Variants in CFP observed in about 807,000 individuals in gnomAD.
CFP encodes the protein complement factor properdin, also known as properdin.
Under a neutral mutation model 42.1 loss-of-function variants are expected in CFP, and 14 were observed. The observed-to-expected ratio is 0.33, with a 90% CI of 0.22 to 0.52. CFP has a LOEUF of 0.52. Ranked by LOEUF, CFP falls within the 20% of genes least tolerant of loss-of-function variation. The probability of loss-of-function intolerance (pLI) is 0.96; values close to 1 mark genes in which losing one functional copy is unlikely to be tolerated. For missense variants in CFP, 318 were observed against 400.4 expected (o/e 0.79, Z 1.76); for synonymous variants, 149 against 160.6 (o/e 0.93, Z 0.54).
rs1027651061 is a variant in CFP at position 47,626,007 on chromosome X, C to T, written c.1244+51G>A. On this transcript the variant is annotated intron_variant, in intron 8 of 8. Coordinates refer to ENST00000396992, the MANE Select transcript of CFP (RefSeq NM_001145252.3). ...GGTTTCCTGGGGTAGCCGACTCTCC[C>T]GCCTGTAATATAATGACCCCCTCCC... is the stretch of plus-strand genomic sequence containing the variant. The T allele has an allele frequency of 4.2e-5, 43 of 1,030,054 alleles. No homozygotes were observed. The African/African-American group carries it at 4.3e-4, about 10-fold the overall frequency. 84.9% of individuals were successfully genotyped at this position (1,030,054 alleles called of 1,213,427 possible).
intron 6 of CFP, 76 bp from the exon 7 acceptor site, chrX:47,626,595 G>A (rs2147936649): frequency 1.4e-5 from 16 of 1,107,326 alleles, no homozygotes; most frequent in South Asian, 1.3e-4. Flanking sequence ...GAATGAGGGC[G>A]GTAGGAGGGA....
At chrX:47,627,056 G>A (rs1157743195) in intron 5 of CFP, 85 bp downstream of exon 5, 1 of 1,153,825 alleles carries the variant, frequency 8.7e-7, no homozygotes, top group Non-Finnish European at 1.2e-6. Context: ...TGGTCACATG[G>A]CCTAGGAACT....
In CFP at chrX:47,629,552, G is replaced by C. The variant is rs1261378312; in HGVS notation, c.199C>G (p.Arg67Gly). 9.6e-7 allele frequency: 1 copy of C among 1,043,369 alleles called. No individual in the cohort carries two copies. 86.0% of individuals were successfully genotyped at this position (1,043,369 alleles called of 1,213,427 possible). ...CLNTAFAYQK[R>G]SGGLCQPCRS... ...CAAGGCTGACAGAGCCCACCACTACGTTTCTGGTAGGCAAAGGCAGTGTTG... is the reference window on the plus strand; with the variant it reads ...CAAGGCTGACAGAGCCCACCACTACCTTTCTGGTAGGCAAAGGCAGTGTTG... The change falls in exon 2 of 9, where the codon CGT becomes GGT. Residue 67 changes from arginine (R) to glycine (G), a missense_variant. By Grantham distance (125) the Arg-to-Gly change is moderately radical (BLOSUM62 -2). Coordinates refer to ENST00000396992, the MANE Select transcript of CFP (RefSeq NM_001145252.3).
Position 47,626,504 on chromosome X carries a change from T to A in CFP, c.956A>T (p.Asp319Val), listed in dbSNP as rs1475548366. 1.7e-6 allele frequency: 2 copies of A among 1,210,649 alleles called. No individual in the cohort carries two copies. The highest frequency in any genetic ancestry group is 4.4e-5 in the Admixed American group (2 of 45,946). ...AVPCPVDGEW[D>V]SWGEWSPCIR... is the part of the protein sequence containing the mutation. ...ACAGGGGCTCCACTCCCCCCACGAG[T>A]CCCACTCCCCATCCACTGCAGAGAC... The change falls in exon 7 of 9, where the codon GAC (aspartate) becomes GTC (valine). Residue 319 changes from aspartate (D) to valine (V), a missense_variant. Coordinates refer to ENST00000396992, the MANE Select transcript of CFP (RefSeq NM_001145252.3).
rs2057977360 is a variant in CFP at position 47,628,245 on chromosome X, G to A, written c.260C>T (p.Ala87Val). ...CTCAGAGCACGTCACCGAACAGGGG[G>A]CCCATGTGGACCACAGGGACCATCG... is the stretch of plus-strand genomic sequence containing the variant. ...SPRWSLWSTW[A>V]PCSVTCSEGS... is the part of the protein sequence containing the mutation. The change falls in exon 3 of 9, where the codon GCC becomes GTC. Residue 87 changes from alanine (A) to valine (V), a missense_variant. Transcript: ENST00000396992. 5.0e-6 allele frequency: 6 copies of A among 1,210,579 alleles called. No individual in the cohort carries two copies. In the South Asian group the frequency reaches 1.1e-4, roughly 21 times the overall value.
Position 47,626,774 on chromosome X carries a change from A to C in CFP, c.939T>G (p.Pro313=). The change falls in exon 6 of 9, where the codon CCT becomes CCG. Residue 313 remains proline (P), a splice_region_variant and synonymous_variant. Coordinates refer to ENST00000396992, the MANE Select transcript of CFP (RefSeq NM_001145252.3). The part of the protein sequence containing the change: ...THICNTAVPC[P]VDGEWDSWGE... ...AATCGTGAACCCTGAGATGCTGACC[A>C]GGGCAGGGCACAGCTGTGTTGCAGA... The C allele has an allele frequency of 8.3e-7, 1 of 1,204,064 alleles. No individual in the cohort carries two copies. The highest frequency in any genetic ancestry group is 1.1e-6 in the Non-Finnish European group (1 of 890,879).
At chrX:47,628,371 G>T in intron 2 of CFP, 94 bp from the exon 3 acceptor site, 1 of 896,742 alleles carries the variant, frequency 1.1e-6, no homozygotes, top group Non-Finnish European at 1.6e-6. Flanking sequence ...AGGGTTGCTA[G>T]GCAAGTGCGT....
At position 47,629,664 on chromosome X, in the gene CFP, G is replaced by C. The variant is rs747543016; in HGVS notation, c.87C>G (p.Pro29=). The change falls in exon 2 of 9, where the codon CCC becomes CCG. Residue 29 remains proline, a synonymous_variant. Transcript: ENST00000396992. ...LLTLPATGSD[P]VLCFTQYEES... ...CTTCATACTGGGTGAAGCAGAGCAC[G>C]GGGTCTGAGCCTGTAACAGGGCCAG... 1.8e-5 allele frequency: 21 copies of C among 1,170,015 alleles called. No homozygotes were observed. Among genetic ancestry groups the C allele is most frequent in the Non-Finnish European group, 2.4e-5 (21 of 873,298 alleles).
At chrX:47,630,067 A>T, upstream of CFP, 1 of 432,400 alleles carries the variant, frequency 2.3e-6, no homozygotes, top group Non-Finnish European at 4.0e-6. Flanking sequence ...TATCCCCAGC[A>T]CCTCGCGCTC....
At chrX:47,629,501 C>T in intron 2 of CFP, 23 bp downstream of exon 2, 1 of 799,213 alleles carries the variant, frequency 1.3e-6, no homozygotes. Context: ...CCCCCCCATC[C>T]CCCACCCCAG....
At position 47,623,912 on chromosome X, in the gene CFP, G is replaced by A. The variant is rs759556253; in HGVS notation, c.*363C>T. 7 of 193,216 alleles carry A rather than the reference G, an allele frequency of 3.6e-5. No individual in the cohort carries two copies. The highest frequency in any genetic ancestry group is 5.7e-5 in the Non-Finnish European group (6 of 104,679). The allele number at this position is 193,216 out of a possible 1,213,427, so 15.9% of individuals were successfully genotyped here. A position where few individuals can be genotyped will look rare whatever the true frequency, so the allele number is the denominator to read the frequency against. Reference sequence around the variant, plus strand: ...AATCAAGAAGTGCCTGCCAGGACAAGTAGCCAATCAGGAAACCCGTAACGC... The same window carrying A: ...AATCAAGAAGTGCCTGCCAGGACAAATAGCCAATCAGGAAACCCGTAACGC... On this transcript the variant is annotated 3_prime_UTR_variant, in exon 9 of 9. Coordinates refer to ENST00000396992, the MANE Select transcript of CFP (RefSeq NM_001145252.3).
rs903695150 is a variant in CFP, at chrX:47,623,379, G to A, written c.*896C>T. On this transcript the variant is annotated 3_prime_UTR_variant, in exon 9 of 9. Transcript: ENST00000396992. ...CCAGCACTATTGTTAGTATACAGTA[G>A]GCGTTAAGTGTTGAATAGATGTTCA... 3.6e-5 allele frequency: 4 copies of A among 112,049 alleles called. No individual in the cohort carries two copies. In the East Asian group the frequency reaches 1.1e-3, roughly 31 times the overall value. The allele number at this position is 112,049 out of a possible 1,213,427, so 9.2% of individuals were successfully genotyped here.
At position 47,627,301 on chromosome X, in the gene CFP, C is replaced by T; in HGVS notation, c.606G>A (p.Trp202Ter). The T allele has an allele frequency of 1.7e-6, 2 of 1,200,551 alleles. No individual in the cohort carries two copies. Among genetic ancestry groups the T allele is most frequent in the Non-Finnish European group, 2.2e-6 (2 of 888,929 alleles). ...THGAWATWGP[W>*]TPCSASCHGG... ...CGTGGCAGGAGGCTGAGCAGGGGGT[C>T]CAGGGGCCCCAGGTGGCCCAGGCCC... The change falls in exon 5 of 9, where the codon TGG becomes TGA. Residue 202 changes from tryptophan (W) to a stop codon, truncating the protein, a stop_gained. Coordinates refer to ENST00000396992, the MANE Select transcript of CFP (RefSeq NM_001145252.3). LOFTEE classifies it high-confidence loss of function.
intron 8 of CFP, 142 bp from the exon 9 acceptor site, chrX:47,624,582 TCTCA>T (rs1393870090): frequency 4.1e-6 from 2 of 485,258 alleles, no homozygotes; most frequent in Non-Finnish European, 6.2e-6. Flanking sequence ...TGAGGCAGGG[TCTCA>T]CTCTGTTGCC....
Position 47,629,630 on chromosome X carries a change from C to G in CFP, c.121G>C (p.Gly41Arg). 4 of 1,104,280 alleles carry G rather than the reference C, an allele frequency of 3.6e-6. No homozygotes were observed. 91.0% of individuals were successfully genotyped at this position (1,104,280 alleles called of 1,213,427 possible). A position where few individuals can be genotyped will look rare whatever the true frequency, so the allele number is the denominator to read the frequency against. The change falls in exon 2 of 9, where the codon GGC (glycine) becomes CGC (arginine). Residue 41 changes from glycine (G) to arginine (R), a missense_variant. Transcript: ENST00000396992. ...LCFTQYEESS[G>R]KCKGLLGGGV... ...CCCCCCAGGAGGCCCTTGCACTTGC[C>G]GGAGGATTCTTCATACTGGGTGAAG...
chrX:47,629,629 C>G lies in CFP; in HGVS notation c.122G>C (p.Gly41Ala). 1 of 1,171,891 alleles carries G rather than the reference C, an allele frequency of 8.5e-7. No individual in the cohort carries two copies. Among genetic ancestry groups the G allele is most frequent in the Non-Finnish European group, 1.1e-6 (1 of 874,794 alleles). ...LCFTQYEESS[G>A]KCKGLLGGGV... Reference sequence around the variant, plus strand: ...ACCCCCCAGGAGGCCCTTGCACTTGCCGGAGGATTCTTCATACTGGGTGAA... The same window carrying G: ...ACCCCCCAGGAGGCCCTTGCACTTGGCGGAGGATTCTTCATACTGGGTGAA... The change falls in exon 2 of 9, where the codon GGC becomes GCC. Residue 41 changes from glycine (G) to alanine (A), a missense_variant. Coordinates refer to ENST00000396992, the MANE Select transcript of CFP (RefSeq NM_001145252.3).
intron 2 of CFP, chrX:47,628,695 C>A (rs1193363595): frequency 3.5e-6 from 1 of 286,823 alleles, no homozygotes; most frequent in Non-Finnish European, 6.6e-6. Context: ...GATCTATCCC[C>A]AACCCACTGC....
intron 5 of CFP, 72 bp from the exon 6 acceptor site, chrX:47,627,018 G>T: frequency 8.7e-7 from 1 of 1,143,128 alleles, no homozygotes; most frequent in Non-Finnish European, 1.2e-6. Flanking sequence ...GACCCTTGAA[G>T]CAGACTGTCC....
At position 47,627,290 on chromosome X, in the gene CFP, G is replaced by C. The variant is rs132630260; in HGVS notation, c.617C>G (p.Ser206Ter). The change falls in exon 5 of 9, where the codon TCA becomes TGA. Residue 206 changes from serine to a stop codon, truncating the protein, a stop_gained. Transcript: ENST00000396992. LOFTEE classifies it high-confidence loss of function. Reference sequence around the variant, plus strand: ...GTGGGGTCCACCGTGGCAGGAGGCTGAGCAGGGGGTCCAGGGGCCCCAGGT... The same window carrying C: ...GTGGGGTCCACCGTGGCAGGAGGCTCAGCAGGGGGTCCAGGGGCCCCAGGT... ...WATWGPWTPC[S>*]ASCHGGPHEP... 1.7e-6 allele frequency: 2 copies of C among 1,206,389 alleles called. No individual in the cohort carries two copies. The highest frequency in any genetic ancestry group is 2.2e-6 in the Non-Finnish European group (2 of 892,076).
Sources: gnomAD v4.1 joint callset for allele counts on GRCh38, gnomAD v4.1.1 for gene constraint, MANE v1.5 for transcripts, NCBI Gene and HGNC (gene_info 2026-07-23, HGNC 2026-07-21) for gene names.